Variants in ATAD2B observed in about 807,000 individuals in gnomAD.
ATAD2B encodes the protein ATPase family AAA domain containing 2B, also known as ATPase family AAA domain-containing protein 2B.
A neutral mutation model predicts 167.6 loss-of-function variants in ATAD2B; 40 were observed. The observed-to-expected ratio is 0.24, with a 90% CI of 0.19 to 0.31. The LOEUF is 0.31. Among genes scored for constraint, ATAD2B ranks in the 10% least tolerant of loss-of-function variants. ATAD2B has a pLI of 1.00. For synonymous variants in ATAD2B, 579 were observed against 596.5 expected (o/e 0.97, Z 0.43); for missense variants, 1,242 against 1,757.2 (o/e 0.71, Z 5.24).
intron 13 of ATAD2B, among the ~76,000 whole-genome samples, chr2:23,850,907 T>C (rs978122054): frequency 1.3e-5 from 2 of 152,130 alleles, no homozygotes; most frequent in Non-Finnish European, 2.9e-5. Flanking sequence ...GTGGAACCTT[T>C]GGGAGGTAAT....
intron 8 of ATAD2B, among the ~76,000 whole-genome samples, chr2:23,871,388 C>T (rs781699921): frequency 6.6e-6 from 1 of 152,142 alleles, no homozygotes; most frequent in Non-Finnish European, 1.5e-5. Flanking sequence ...ACTTTTTGAA[C>T]ATAACCTCCT....
chr2:23,917,352 C>T (rs1346585166), intron 1 of ATAD2B, among the ~76,000 whole-genome samples: 3 of 152,176 alleles, frequency 2.0e-5, no homozygotes, highest in Non-Finnish European at 2.9e-5. Context: ...ACTAACAATG[C>T]TAAAGATGTT....
At chr2:23,861,077 C>T (rs1039553159) in intron 12 of ATAD2B, among the ~76,000 whole-genome samples, 4 of 151,928 alleles carry the variant, frequency 2.6e-5, no homozygotes, top group African/African-American at 9.7e-5. Context: ...CACCTGTAAT[C>T]CCAGTGCTTT....
intron 25 of ATAD2B, among the ~76,000 whole-genome samples, chr2:23,755,321 T>C (rs1449656990): frequency 6.6e-6 from 1 of 152,182 alleles, no homozygotes; most frequent in African/African-American, 2.4e-5. Flanking sequence ...ATAAACCCAT[T>C]AAAAGTGTAA....
intron 20 of ATAD2B, chr2:23,788,181 G>A: frequency 8.7e-6 from 2 of 228,662 alleles, no homozygotes; most frequent in Admixed American, 1.0e-4. Flanking sequence ...CAACCTGCCA[G>A]TTCAACTCCT....
intron 1 of ATAD2B, among the ~76,000 whole-genome samples, chr2:23,907,885 G>C (rs1488301577): frequency 6.6e-6 from 1 of 152,102 alleles, no homozygotes; most frequent in African/African-American, 2.4e-5. Flanking sequence ...ACAAGAAATG[G>C]GGAAAGGATT....
chr2:23,927,041 G>C lies in ATAD2B; in HGVS notation c.-271C>G, dbSNP rs575238380. 2 of 456,470 alleles carry C rather than the reference G, an allele frequency of 4.4e-6. No individual in the cohort carries two copies. Among genetic ancestry groups the C allele is most frequent in the South Asian group, 7.7e-5 (2 of 25,836 alleles). The allele number at this position is 456,470 out of a possible 1,614,324, so 28.3% of individuals were successfully genotyped here. ...CGCCCTCCTCAGCGGGAGCCGAGCG[G>C]AGCCGCCATTTCTACCCCTTTCTCT... On this transcript the variant is annotated 5_prime_UTR_variant, in exon 1 of 28. Coordinates refer to ENST00000238789, the MANE Select transcript of ATAD2B (RefSeq NM_017552.4).
At chr2:23,691,608 C>G in the ATAD2B span, 1 of 1,370,490 alleles carries the variant, frequency 7.3e-7, no homozygotes, top group Non-Finnish European at 1.0e-6. Flanking sequence ...GGAGATCTAG[C>G]CCTGTGAGGA....
Position 23,757,978 on chromosome 2 carries a change from G to C in ATAD2B, c.3518C>G (p.Thr1173Arg), listed in dbSNP as rs201642875. 1 of 1,613,252 alleles carries C rather than the reference G, an allele frequency of 6.2e-7. No individual in the cohort carries two copies. The highest frequency in any genetic ancestry group is 1.7e-5 in the Admixed American group (1 of 59,942). The part of the protein sequence containing the change: ...DTKFADYENH[T>R]EDRKLLENGE... ...ATTCTCTAATAATTTCCTGTCCTCC[G>C]TATGGTTCTCATAGTCTGCAAATTT... Residue 1173 changes from threonine to arginine, a missense_variant, in exon 25 of 28, where the codon ACG becomes AGG. Physicochemically the swap from Thr to Arg is moderately conservative, Grantham distance 71 (BLOSUM62 -1). Coordinates refer to ENST00000238789, the MANE Select transcript of ATAD2B (RefSeq NM_017552.4).
At chr2:23,862,412 T>G (rs1201551218) in intron 12 of ATAD2B, among the ~76,000 whole-genome samples, 3 of 108,534 alleles carry the variant, frequency 2.8e-5, no homozygotes, top group African/African-American at 9.9e-5. Flanking sequence ...TTTTTTTTTT[T>G]TTTTTTTTTT....
At chr2:23,792,962 C>CAAAAA (rs36015161) in intron 19 of ATAD2B, among the ~76,000 whole-genome samples, 686 of 42,512 alleles carry the variant, frequency 0.016, 141 homozygotes, top group African/African-American at 0.057. Flanking sequence ...GACTCTGTCT[C>CAAAAA]AAAAAAAAAA....
chr2:23,680,312 G>A, the ATAD2B span, among the ~76,000 whole-genome samples: 1 of 152,132 alleles, frequency 6.6e-6, no homozygotes, highest in East Asian at 1.9e-4. The surrounding 1 kb of genome is among the most constrained non-coding windows in gnomAD (Gnocchi z 4.1). Context: ...TCTTCCACGG[G>A]AAGAGGAGCT....
chr2:23,918,104 C>T (rs947245456), intron 1 of ATAD2B, among the ~76,000 whole-genome samples: 10 of 151,096 alleles, frequency 6.6e-5, no homozygotes, highest in African/African-American at 2.2e-4. Context: ...CAGTAGCTCA[C>T]TCCTGTAATC....
chr2:23,863,653 T>G, intron 11 of ATAD2B, 98 bp from the exon 12 acceptor site: 2 of 1,126,968 alleles, frequency 1.8e-6, no homozygotes, highest in Non-Finnish European at 2.5e-6. Flanking sequence ...AATTTTGTAT[T>G]GAAGTATAAT....
intron 8 of ATAD2B, among the ~76,000 whole-genome samples, chr2:23,874,187 A>C (rs1212960838): frequency 4.4e-5 from 6 of 137,648 alleles, no homozygotes; most frequent in South Asian, 2.2e-4. Context: ...GCTCCATCCC[A>C]AAAAAAAAAA....
intron 24 of ATAD2B, among the ~76,000 whole-genome samples, chr2:23,758,831 A>G (rs1259292261): frequency 6.6e-6 from 1 of 152,212 alleles, no homozygotes; most frequent in Non-Finnish European, 1.5e-5. Flanking sequence ...CTGAAAATAA[A>G]TACTTGGTCA....
At chr2:23,738,739 A>G in the ATAD2B span, among the ~76,000 whole-genome samples, 1 of 152,226 alleles carries the variant, frequency 6.6e-6, no homozygotes, top group Non-Finnish European at 1.5e-5. Flanking sequence ...GCTCCAATTA[A>G]AAGACACAGA....
At position 23,783,038 on chromosome 2, in the gene ATAD2B, A is replaced by G. The variant is rs1214344294; in HGVS notation, c.2974-10T>C. ...CAAGATAATCTGAAACCTAAAACAG[A>G]TATTTTAATAAAAATTACTTCCAGT... On this transcript the variant is annotated splice_polypyrimidine_tract_variant and intron_variant, in intron 21 of 27. Coordinates refer to ENST00000238789, the MANE Select transcript of ATAD2B (RefSeq NM_017552.4). The G allele has an allele frequency of 7.2e-7, 1 of 1,380,818 alleles. No individual in the cohort carries two copies. Among genetic ancestry groups the G allele is most frequent in the Non-Finnish European group, 9.8e-7 (1 of 1,024,686 alleles). The allele number at this position is 1,380,818 out of a possible 1,614,324, so 85.5% of individuals were successfully genotyped here.
chr2:23,841,300 G>A (rs144501316), intron 13 of ATAD2B, among the ~76,000 whole-genome samples: 25 of 151,988 alleles, frequency 1.6e-4, no homozygotes, highest in African/African-American at 5.8e-4. Context: ...CTTTTTACAT[G>A]CACAGTAATG....
Sources: gnomAD v4.1 joint callset for allele counts (sites outside exome capture counted in the v4.1 genomes callset) on GRCh38, gnomAD v4.1.1 for gene constraint, Gnocchi (gnomAD v3.1) non-coding constraint, MANE v1.5 for transcripts, NCBI Gene and HGNC (gene_info 2026-07-23, HGNC 2026-07-21) for gene names.